Variants in RGS9 observed in about 807,000 individuals in gnomAD.
RGS9 encodes the protein regulator of G protein signaling 9.
A neutral mutation model predicts 102.0 loss-of-function variants in RGS9; 78 were observed. The observed-to-expected ratio is 0.76, with a 90% CI of 0.64 to 0.92. The LOEUF is 0.92. Among genes scored for constraint, RGS9 ranks in the 40% least tolerant of loss-of-function variants. The probability of loss-of-function intolerance (pLI) is 0.00; values close to 1 mark genes in which losing one functional copy is unlikely to be tolerated. For missense variants in RGS9, 833 were observed against 866.1 expected (o/e 0.96, Z 0.48); for synonymous variants, 353 against 318.6 (o/e 1.11, Z -1.15).
At chr17:65,215,544 CT>C (rs1228869868) in intron 17 of RGS9, among the ~76,000 whole-genome samples, 1 of 105,204 alleles carries the variant, frequency 9.5e-6, no homozygotes, top group Admixed American at 8.9e-5. Context: ...TTCTTTCTTT[CT>C]TTTTTTTTGT....
chr17:65,187,221 A>G (rs1937652386), intron 9 of RGS9, among the ~76,000 whole-genome samples: 1 of 152,190 alleles, frequency 6.6e-6, no homozygotes, highest in African/African-American at 2.4e-5. Context: ...TCTACTCTGC[A>G]TCGGACATTG....
chr17:65,188,752 A>G (rs1050536064), intron 9 of RGS9: 25 of 169,970 alleles, frequency 1.5e-4, no homozygotes, highest in Non-Finnish European at 1.5e-4. Flanking sequence ...AGCTGGGACT[A>G]CAGGTGCACG....
intron 17 of RGS9, among the ~76,000 whole-genome samples, chr17:65,211,735 C>CA (rs1913309923): frequency 6.6e-6 from 1 of 152,258 alleles, no homozygotes; most frequent in African/African-American, 2.4e-5. Context: ...GGAATACTCA[C>CA]TCATTCAGCA....
At chr17:65,138,013 C>T (rs1212211416) in intron 1 of RGS9, among the ~76,000 whole-genome samples, 1 of 152,168 alleles carries the variant, frequency 6.6e-6, no homozygotes, top group Non-Finnish European at 1.5e-5. Flanking sequence ...ACCATGAAAA[C>T]GGGGTGATTT....
chr17:65,196,986 G>A lies in RGS9; in HGVS notation c.861-140G>A, dbSNP rs546758315. 5.7e-6 allele frequency: 4 copies of A among 696,764 alleles called. No homozygotes were observed. The African/African-American group carries it at 7.1e-5, about 12-fold the overall frequency. 43.2% of individuals were successfully genotyped at this position (696,764 alleles called of 1,614,324 possible). ...CATCTTCCTAGCAAGTGATTACTTG[G>A]CTTGTGTGTTATGCAGGGATTGGGA... On this transcript the variant is annotated intron_variant, in intron 12 of 18. Transcript: ENST00000262406.
intron 1 of RGS9, among the ~76,000 whole-genome samples, chr17:65,141,892 G>A (rs1304208875): frequency 1.3e-5 from 2 of 152,214 alleles, no homozygotes; most frequent in Non-Finnish European, 1.5e-5. Context: ...GATTGCCTGC[G>A]GGTTGGGAGA....
chr17:65,201,718 G>A (rs1050612097), intron 13 of RGS9, among the ~76,000 whole-genome samples: 1 of 152,208 alleles, frequency 6.6e-6, no homozygotes, highest in African/African-American at 2.4e-5. Context: ...AACATGGTAG[G>A]TGCCAATCTA....
At chr17:65,169,054 A>T (rs896945287) in intron 8 of RGS9, among the ~76,000 whole-genome samples, 3 of 152,214 alleles carry the variant, frequency 2.0e-5, no homozygotes, top group Non-Finnish European at 4.4e-5. Context: ...AGTTAGAAAG[A>T]AATGTTCTTC....
intron 9 of RGS9, among the ~76,000 whole-genome samples, chr17:65,179,533 A>T (rs1911772120): frequency 6.7e-6 from 1 of 150,324 alleles, no homozygotes. Context: ...TTTCCTGGGG[A>T]GGAGAGAGAG....
chr17:65,186,016 G>T (rs1170153790), intron 9 of RGS9, among the ~76,000 whole-genome samples: 2 of 152,138 alleles, frequency 1.3e-5, no homozygotes, highest in Non-Finnish European at 2.9e-5. Flanking sequence ...TGATGCTGGG[G>T]TCTGGACACC....
chr17:65,160,085 G>A (rs1282053010), intron 3 of RGS9, 148 bp from the exon 4 acceptor site: 3 of 748,334 alleles, frequency 4.0e-6, no homozygotes, highest in Non-Finnish European at 7.2e-6. Flanking sequence ...CCACAGCCAA[G>A]TTCAGCAACC....
chr17:65,221,061 G>T (rs1157315770), intron 17 of RGS9, among the ~76,000 whole-genome samples: 1 of 152,192 alleles, frequency 6.6e-6, no homozygotes, highest in Non-Finnish European at 1.5e-5. Flanking sequence ...GGGGAATTGT[G>T]GGAACGGGTG....
intron 17 of RGS9, among the ~76,000 whole-genome samples, chr17:65,213,987 G>C (rs1048229432): frequency 1.3e-5 from 2 of 152,034 alleles, no homozygotes; most frequent in African/African-American, 4.8e-5. Context: ...TTTGAGACAG[G>C]GTCTTGCTCT....
chr17:65,159,490 G>C (rs146845493), intron 3 of RGS9, among the ~76,000 whole-genome samples: 1 of 152,276 alleles, frequency 6.6e-6, no homozygotes, highest in East Asian at 1.9e-4. Context: ...GAGAGGGAGG[G>C]CTGGGGAGGA....
chr17:65,171,185 T>G (rs1457726629), intron 8 of RGS9, among the ~76,000 whole-genome samples: 1 of 152,198 alleles, frequency 6.6e-6, no homozygotes, highest in African/African-American at 2.4e-5. Context: ...ATTTGTCTGT[T>G]CATTGATCCA....
At chr17:65,156,766 C>T (rs776757973) in intron 2 of RGS9, among the ~76,000 whole-genome samples, 19 of 152,138 alleles carry the variant, frequency 1.2e-4, no homozygotes, top group Non-Finnish European at 2.6e-4. Context: ...TCTCTGCCTG[C>T]GCACCACTGT....
chr17:65,186,477 AC>A (rs1278418618), intron 9 of RGS9, among the ~76,000 whole-genome samples: 13 of 152,190 alleles, frequency 8.5e-5, no homozygotes, highest in Non-Finnish European at 1.3e-4. Flanking sequence ...AGCTGGGGTT[AC>A]AGGCGTGAGC....
chr17:65,153,378 A>C, intron 1 of RGS9, 44 bp from the exon 2 acceptor site: 1 of 1,552,568 alleles, frequency 6.4e-7, no homozygotes, highest in Non-Finnish European at 8.9e-7. Flanking sequence ...CACAACTTTC[A>C]AAATTGTTCT....
chr17:65,190,025 G>A (rs553075250), intron 10 of RGS9, 150 bp from the exon 11 acceptor site: 19 of 759,062 alleles, frequency 2.5e-5, no homozygotes, highest in Non-Finnish European at 4.3e-5. Flanking sequence ...GTCCACTGTG[G>A]GCCTGACCCA....
Sources: gnomAD v4.1 joint callset for allele counts (sites outside exome capture counted in the v4.1 genomes callset) on GRCh38, gnomAD v4.1.1 for gene constraint, MANE v1.5 for transcripts, NCBI Gene and HGNC (gene_info 2026-07-23, HGNC 2026-07-21) for gene names.